AGBL1: variants seen among roughly 807,000 people sequenced by gnomAD.
AGBL1 encodes the protein AGBL carboxypeptidase 1.
AGBL1 carries 130 observed loss-of-function variants against 118.9 expected under a neutral mutation model. The ratio of observed to expected loss-of-function variants is 1.09; its 90% CI spans 0.95 to 1.26. The LOEUF (loss-of-function observed/expected upper bound fraction) is 1.26, where lower values mean the gene tolerates loss of function less well. Ranked by LOEUF, AGBL1 falls within the 50% of genes most tolerant of loss-of-function variation. The pLI, the probability that AGBL1 is intolerant of heterozygous loss-of-function variation, is 0.00. For missense variants in AGBL1, 1,584 were observed against 1,298.1 expected, an observed-to-expected ratio of 1.22 and a Z score of -3.38; for synonymous variants, 555 against 478.9, an observed-to-expected ratio of 1.16 and a Z score of -2.08.
chr15:86,206,626 C>G (rs1015303202), intron 5 of AGBL1, among the ~76,000 whole-genome samples: 1 of 152,166 alleles, frequency 6.6e-6, no homozygotes, highest in African/African-American at 2.4e-5. Context: ...TGAGAAATGT[C>G]TTTTCATATC....
chr15:86,762,441 A>ATT (rs1158121147), intron 22 of AGBL1, among the ~76,000 whole-genome samples: 1 of 152,026 alleles, frequency 6.6e-6, no homozygotes, highest in Admixed American at 6.6e-5. Flanking sequence ...CAAATGTGAA[A>ATT]TAGTAAAGAG....
chr15:86,348,310 A>T (rs2080570968), intron 17 of AGBL1, among the ~76,000 whole-genome samples: 1 of 152,274 alleles, frequency 6.6e-6, no homozygotes, highest in South Asian at 2.1e-4. Context: ...CAAAGAAACC[A>T]GCCCCGCCTT....
chr15:87,009,511 G>T (rs1055246712), intron 24 of AGBL1, among the ~76,000 whole-genome samples: 1 of 152,204 alleles, frequency 6.6e-6, no homozygotes, highest in Non-Finnish European at 1.5e-5. Context: ...TTGGATTGGA[G>T]CCCCCACACA....
chr15:86,172,211 A>G (rs2077426107), intron 5 of AGBL1, among the ~76,000 whole-genome samples: 1 of 152,186 alleles, frequency 6.6e-6, no homozygotes, highest in South Asian at 2.1e-4. Context: ...TGTGCTGCAT[A>G]TAAGAAACAC....
chr15:86,324,298 C>T (rs199751700), intron 17 of AGBL1, among the ~76,000 whole-genome samples: 9 of 152,142 alleles, frequency 5.9e-5, no homozygotes, highest in East Asian at 5.8e-4. Flanking sequence ...AAACTCTACC[C>T]GGGAATGAAT....
At chr15:86,253,246 C>CT (rs1336726601) in intron 7 of AGBL1, among the ~76,000 whole-genome samples, 1 of 151,880 alleles carries the variant, frequency 6.6e-6, no homozygotes, top group African/African-American at 2.4e-5. Flanking sequence ...CTTCCATCAA[C>CT]TTTTTTTTGT....
intron 23 of AGBL1, among the ~76,000 whole-genome samples, chr15:86,952,758 G>C (rs878860653): frequency 2.0e-5 from 3 of 152,060 alleles, no homozygotes; most frequent in Admixed American, 2.0e-4. Context: ...TCTTTGCCAA[G>C]ACCCATGTTA....
At chr15:86,976,886 C>G (rs1755665305) in intron 23 of AGBL1, among the ~76,000 whole-genome samples, 1 of 151,970 alleles carries the variant, frequency 6.6e-6, no homozygotes, top group African/African-American at 2.4e-5. Context: ...TGTCCTCACT[C>G]AAGTTGTTTG....
chr15:86,144,041 T>C (rs2077000329), intron 3 of AGBL1, among the ~76,000 whole-genome samples, 196 bp downstream of exon 3: 2 of 152,082 alleles, frequency 1.3e-5, no homozygotes, highest in African/African-American at 2.4e-5. Flanking sequence ...TCATCCAAGG[T>C]ATGGTGCTCA....
At position 86,908,784 on chromosome 15, in the gene AGBL1, T is replaced by C. The variant is rs2080314033; in HGVS notation, c.*1490T>C. 2 of 152,264 alleles carry C rather than the reference T, an allele frequency of 1.3e-5. No individual in the cohort carries two copies. The highest frequency in any genetic ancestry group is 3.8e-4 in the East Asian group (2 of 5,200). 9.4% of individuals were successfully genotyped at this position (152,264 alleles called of 1,614,324 possible). On this transcript the variant is annotated 3_prime_UTR_variant, in exon 23 of 23. Coordinates refer to ENST00000614907, the MANE Select transcript of AGBL1 (RefSeq NM_001386094.1). The stretch of plus-strand genomic sequence containing the variant: ...GGCAGTGGTAGAGTGAGAGATAGAA[T>C]ACGCTAGGTCAAACTTAGGCTGTTT...
chr15:86,538,351 C>T (rs566840938), intron 19 of AGBL1, among the ~76,000 whole-genome samples: 1 of 152,310 alleles, frequency 6.6e-6, no homozygotes, highest in Admixed American at 6.5e-5. Context: ...TGGTTAACCT[C>T]AGCTAGGACT....
At chr15:86,328,608 C>T (rs1246161009) in intron 17 of AGBL1, among the ~76,000 whole-genome samples, 3 of 152,066 alleles carry the variant, frequency 2.0e-5, no homozygotes, top group Non-Finnish European at 2.9e-5. Flanking sequence ...CCCCAAATCC[C>T]GAGGAGGAGA....
intron 18 of AGBL1, among the ~76,000 whole-genome samples, chr15:86,440,511 T>TAATAATAATAATAATAAC (rs1260737618): frequency 3.3e-5 from 5 of 150,986 alleles, no homozygotes; most frequent in African/African-American, 7.3e-5. Flanking sequence ...ATAATAATAA[T>TAATAATAATAATAATAAC]AACAGTTAAT....
intron 24 of AGBL1, among the ~76,000 whole-genome samples, chr15:87,014,990 A>G (rs1010665627): frequency 7.2e-5 from 11 of 152,078 alleles, no homozygotes; most frequent in Admixed American, 7.2e-4. Flanking sequence ...AGTGGTGAAG[A>G]TTGCGCTCAA....
intron 21 of AGBL1, among the ~76,000 whole-genome samples, chr15:86,562,743 G>A (rs2083845680): frequency 6.6e-6 from 1 of 152,122 alleles, no homozygotes. Flanking sequence ...TGTACCTCTG[G>A]TAGAATTTGG....
At chr15:86,192,015 C>T (rs944505336) in intron 5 of AGBL1, among the ~76,000 whole-genome samples, 7 of 151,428 alleles carry the variant, frequency 4.6e-5, no homozygotes, top group Non-Finnish European at 1.0e-4. Flanking sequence ...GTTGGAGGGT[C>T]GCTTGAGCCC....
At chr15:86,787,605 C>A (rs1025012809) in intron 22 of AGBL1, among the ~76,000 whole-genome samples, 2 of 152,060 alleles carry the variant, frequency 1.3e-5, no homozygotes, top group Non-Finnish European at 2.9e-5. Flanking sequence ...TTTTTTAATG[C>A]TGGATAATGT....
chr15:86,997,288 C>T (rs2081389177), intron 24 of AGBL1, among the ~76,000 whole-genome samples: 2 of 152,146 alleles, frequency 1.3e-5, no homozygotes, highest in Non-Finnish European at 2.9e-5. Flanking sequence ...TCCCTAATTA[C>T]AGTCACCAGG....
intron 21 of AGBL1, among the ~76,000 whole-genome samples, chr15:86,667,992 A>C (rs2085677034): frequency 6.6e-6 from 1 of 152,192 alleles, no homozygotes; most frequent in Admixed American, 6.6e-5. Flanking sequence ...CCCTCATGGC[A>C]GAGGTGAAGC....
Sources: allele counts gnomAD v4.1 joint callset (sites outside exome capture counted in the v4.1 genomes callset), GRCh38; gene constraint gnomAD v4.1.1; transcripts MANE v1.5; gene names NCBI Gene and HGNC (gene_info 2026-07-23, HGNC 2026-07-21).